The following GPHN variants were observed in gnomAD, a reference collection of about 807,000 sequenced individuals.
GPHN encodes gephyrin.
Under a neutral mutation model 95.5 loss-of-function variants are expected in GPHN, and 17 were observed. The ratio of observed to expected loss-of-function variants is 0.18; its 90% CI spans 0.12 to 0.27. The LOEUF (loss-of-function observed/expected upper bound fraction) is 0.27, where lower values mean the gene tolerates loss of function less well. Ranked by LOEUF, GPHN falls within the 10% of genes least tolerant of loss-of-function variation. The probability of loss-of-function intolerance (pLI) is 1.00; values close to 1 mark genes in which losing one functional copy is unlikely to be tolerated. For synonymous variants in GPHN, 320 were observed against 322.5 expected (o/e 0.99, Z 0.08); for missense variants, 660 against 978.1 (o/e 0.67, Z 4.34).
chr14:67,301,936 CTGT>C, the GPHN span: 1 of 1,569,468 alleles, frequency 6.4e-7, no homozygotes, highest in Non-Finnish European at 8.6e-7. Flanking sequence ...ATAAATCATG[CTGT>C]TACTTAAAAT....
intron 16 of GPHN, among the ~76,000 whole-genome samples, chr14:67,117,929 A>G (rs1295676220): frequency 1.3e-5 from 2 of 152,166 alleles, no homozygotes; most frequent in Non-Finnish European, 2.9e-5. Flanking sequence ...ACTGGTGGCA[A>G]GAGTTCCTGC....
the GPHN span, among the ~76,000 whole-genome samples, chr14:67,537,346 A>AAATAATAATAATAAT: frequency 9.3e-3 from 1,176 of 126,576 alleles, 7 homozygotes; most frequent in East Asian, 0.014. Flanking sequence ...TCCATCTCAA[A>AAATAATAATAATAAT]AATAATAATA....
At position 66,508,219 on chromosome 14, in the gene GPHN, C is replaced by T. The variant is rs1566729585; in HGVS notation, c.-309C>T. ...GCAGAGCGTTCCGACACTCTCCGGC[C>T]TCGTTCTGCCGCCTCCGCGCGCTCT... On this transcript the variant is annotated 5_prime_UTR_variant, in exon 1 of 23. Coordinates refer to ENST00000478722, the MANE Select transcript of GPHN (RefSeq NM_020806.5). 1 of 532,072 alleles carries T rather than the reference C, an allele frequency of 1.9e-6. No homozygotes were observed. Among genetic ancestry groups the T allele is most frequent in the Non-Finnish European group, 3.4e-6 (1 of 294,030 alleles). The allele number at this position is 532,072 out of a possible 1,614,324, so 33.0% of individuals were successfully genotyped here. A position where few individuals can be genotyped will look rare whatever the true frequency, so the allele number is the denominator to read the frequency against.
chr14:67,299,837 CAG>C, the GPHN span, among the ~76,000 whole-genome samples: 1 of 152,160 alleles, frequency 6.6e-6, no homozygotes, highest in Non-Finnish European at 1.5e-5. Flanking sequence ...TGAGCTGACT[CAG>C]TGTATTTTGT....
the GPHN span, among the ~76,000 whole-genome samples, chr14:67,363,454 G>T: frequency 6.6e-6 from 1 of 152,038 alleles, no homozygotes; most frequent in African/African-American, 2.4e-5. Flanking sequence ...ATATATTAAT[G>T]TTGCTTTTTA....
At chr14:67,359,825 G>C in the GPHN span, 1 of 1,066,476 alleles carries the variant, frequency 9.4e-7, no homozygotes, top group Non-Finnish European at 1.4e-6. Context: ...CCCTCTTGTT[G>C]CTAAGAGGCA....
At chr14:66,548,229 G>T (rs2059677502) in intron 1 of GPHN, among the ~76,000 whole-genome samples, 1 of 143,644 alleles carries the variant, frequency 7.0e-6, no homozygotes, top group African/African-American at 2.6e-5. Context: ...CGCCCAGTCT[G>T]GAGTGCAATG....
intron 19 of GPHN, among the ~76,000 whole-genome samples, chr14:67,159,985 A>G (rs1331866489): frequency 6.6e-6 from 1 of 151,702 alleles, no homozygotes; most frequent in Admixed American, 6.6e-5. Flanking sequence ...TCACAGTAGT[A>G]TTATGTCATC....
rs149210764 is a variant in GPHN at position 66,771,179 on chromosome 14, T to C, written c.144-5285T>C. On this transcript the variant is annotated intron_variant, in intron 2 of 22. Coordinates refer to ENST00000478722, the MANE Select transcript of GPHN (RefSeq NM_020806.5). ...GTTATCACTCTCTTCAGTTGTCACT[T>C]CTTTCTATTTAACTCCCTCTAGTAA... 2.1e-3 allele frequency among the ~76,000 whole-genome samples: 319 copies of C among 152,310 alleles called. 1 individual carries two copies. The highest frequency in any genetic ancestry group is 7.1e-3 in the African/African-American group (297 of 41,580).
At chr14:66,512,384 T>A in intron 1 of GPHN, among the ~76,000 whole-genome samples, 1 of 151,876 alleles carries the variant, frequency 6.6e-6, no homozygotes, top group East Asian at 1.9e-4. Flanking sequence ...TAGAATCATA[T>A]AGATTATTCC....
chr14:67,312,420 T>A, the GPHN span: 1 of 797,274 alleles, frequency 1.3e-6, no homozygotes, highest in Non-Finnish European at 1.8e-6. Flanking sequence ...TCTATTAAAT[T>A]TTTTTAAAAT....
the GPHN span, among the ~76,000 whole-genome samples, chr14:67,637,646 T>A: frequency 6.6e-6 from 1 of 152,144 alleles, no homozygotes; most frequent in African/African-American, 2.4e-5. Flanking sequence ...ATTGGCACAG[T>A]GGGCATTAGA....
At chr14:66,975,565 C>T (rs1489890269) in intron 9 of GPHN, among the ~76,000 whole-genome samples, 1 of 152,020 alleles carries the variant, frequency 6.6e-6, no homozygotes, top group Non-Finnish European at 1.5e-5. Flanking sequence ...TATTGAGTAC[C>T]AGCCCTAGGC....
At chr14:67,567,488 C>G in the GPHN span, among the ~76,000 whole-genome samples, 1 of 151,986 alleles carries the variant, frequency 6.6e-6, no homozygotes, top group Non-Finnish European at 1.5e-5. Context: ...CCACTCTGGG[C>G]AGAAATAATC....
intron 4 of GPHN, among the ~76,000 whole-genome samples, chr14:66,843,831 T>C (rs1021783888): frequency 1.3e-5 from 2 of 152,162 alleles, no homozygotes; most frequent in Non-Finnish European, 1.5e-5. Flanking sequence ...TGTAAGAATA[T>C]ATTTTTTTAT....
the GPHN span, chr14:67,573,492 C>T: frequency 1.3e-6 from 1 of 798,218 alleles, no homozygotes; most frequent in Non-Finnish European, 2.1e-6. The surrounding 1 kb of genome is among the most constrained non-coding windows in gnomAD (Gnocchi z 4.8). Flanking sequence ...GGCCAGAGGG[C>T]AAAGGTCTGG....
chr14:67,724,696 C>T, the GPHN span: 1 of 905,110 alleles, frequency 1.1e-6, no homozygotes, highest in Non-Finnish European at 1.8e-6. Context: ...CTTGGGGGCT[C>T]TGACTAGAAA....
At chr14:66,741,345 G>A (rs184767280) in intron 2 of GPHN, among the ~76,000 whole-genome samples, 3 of 152,226 alleles carry the variant, frequency 2.0e-5, no homozygotes, top group East Asian at 3.9e-4. Flanking sequence ...TGTGCTACAC[G>A]TTGCACTAGA....
chr14:67,659,085 C>T, the GPHN span, among the ~76,000 whole-genome samples: 2 of 152,182 alleles, frequency 1.3e-5, no homozygotes, highest in African/African-American at 4.8e-5. Context: ...TCTAGCTGCT[C>T]TAGATGGTTT....
Sources: gnomAD v4.1 joint callset for allele counts (sites outside exome capture counted in the v4.1 genomes callset) on GRCh38, gnomAD v4.1.1 for gene constraint, Gnocchi (gnomAD v3.1) non-coding constraint, MANE v1.5 for transcripts, NCBI Gene and HGNC (gene_info 2026-07-23, HGNC 2026-07-21) for gene names.